The following KLRG2 variants were observed in gnomAD, a reference collection of about 807,000 sequenced individuals.
The protein encoded by KLRG2 is killer cell lectin like receptor G2, also known as killer cell lectin-like receptor subfamily G member 2.
In KLRG2, 39 loss-of-function variants were observed where a neutral mutation model predicts 35.4. That is an observed-to-expected ratio of 1.10 (90% CI 0.85 to 1.44). The LOEUF (loss-of-function observed/expected upper bound fraction) is 1.44. Among genes scored for constraint, KLRG2 ranks in the 40% most tolerant of loss-of-function variants. KLRG2 has a pLI of 0.00. For missense variants in KLRG2, 632 were observed against 570.9 expected, an observed-to-expected ratio of 1.11 and a Z score of -1.09; for synonymous variants, 283 against 265.8, an observed-to-expected ratio of 1.06 and a Z score of -0.63.
intron 3 of KLRG2, among the ~76,000 whole-genome samples, chr7:139,465,058 C>T (rs1197415465): frequency 6.6e-6 from 1 of 152,190 alleles, no homozygotes; most frequent in African/African-American, 2.4e-5. Flanking sequence ...TGTTCCTCAC[C>T]CTGAACACAC....
chr7:139,434,507 T>A, the KLRG2 span, among the ~76,000 whole-genome samples: 158 of 152,328 alleles, frequency 1.0e-3, no homozygotes, highest in African/African-American at 3.7e-3. Context: ...TCCCTCCCTC[T>A]GTAAGCAGTA....
the KLRG2 span, among the ~76,000 whole-genome samples, chr7:139,434,301 G>A: frequency 1.3e-5 from 2 of 152,124 alleles, no homozygotes; most frequent in Admixed American, 1.3e-4. Context: ...CCTTTGCCTG[G>A]TCATAATTCA....
At chr7:139,427,918 A>G in the KLRG2 span, among the ~76,000 whole-genome samples, 4 of 152,204 alleles carry the variant, frequency 2.6e-5, no homozygotes, top group Non-Finnish European at 1.5e-5. Context: ...TTCTATCACC[A>G]TCATGCCCGT....
chr7:139,479,185 C>T (rs1306795050), intron 3 of KLRG2, among the ~76,000 whole-genome samples: 3 of 152,124 alleles, frequency 2.0e-5, no homozygotes, highest in Non-Finnish European at 2.9e-5. Flanking sequence ...CAGGTTCAAG[C>T]AATTCTCCTG....
At chr7:139,473,604 TAC>T (rs1377444206) in intron 3 of KLRG2, among the ~76,000 whole-genome samples, 7 of 152,038 alleles carry the variant, frequency 4.6e-5, no homozygotes, top group Non-Finnish European at 7.4e-5. Context: ...GAATAAAAAG[TAC>T]ACACAAAAAA....
the KLRG2 span, among the ~76,000 whole-genome samples, chr7:139,438,187 G>A: frequency 6.6e-6 from 1 of 152,260 alleles, no homozygotes; most frequent in African/African-American, 2.4e-5. Context: ...GCCCAGCTGA[G>A]ATTGGTGGAG....
chr7:139,476,739 G>C (rs573342145), intron 3 of KLRG2, among the ~76,000 whole-genome samples: 5 of 151,996 alleles, frequency 3.3e-5, no homozygotes, highest in African/African-American at 1.2e-4. Flanking sequence ...CACTGCACCC[G>C]GCCTCACTAT....
chr7:139,452,506 A>G (rs1168444273), downstream of KLRG2, among the ~76,000 whole-genome samples: 1 of 151,224 alleles, frequency 6.6e-6, no homozygotes, highest in Non-Finnish European at 1.5e-5. Context: ...TCTCCATCCC[A>G]TTCTCCCAGA....
the KLRG2 span, among the ~76,000 whole-genome samples, chr7:139,443,654 C>T: frequency 2.0e-5 from 3 of 152,076 alleles, no homozygotes; most frequent in Non-Finnish European, 2.9e-5. Context: ...CTCCACCTCC[C>T]GGGTTCAAAC....
At chr7:139,438,945 C>A in the KLRG2 span, among the ~76,000 whole-genome samples, 1 of 137,778 alleles carries the variant, frequency 7.3e-6, no homozygotes, top group African/African-American at 2.6e-5. Context: ...CGCCCCGCCT[C>A]GGCCTCCCAA....
chr7:139,439,400 G>A, the KLRG2 span, among the ~76,000 whole-genome samples: 1 of 152,174 alleles, frequency 6.6e-6, no homozygotes, highest in Non-Finnish European at 1.5e-5. Flanking sequence ...CTTTCTGGGG[G>A]GCTGTCAAGG....
intron 3 of KLRG2, among the ~76,000 whole-genome samples, chr7:139,478,087 AG>A (rs1796884386): frequency 6.6e-6 from 1 of 150,570 alleles, no homozygotes; most frequent in African/African-American, 2.4e-5. Context: ...GAAAAAAAAA[AG>A]CCAGGCACAG....
chr7:139,445,790 T>TATATATATATATAC, the KLRG2 span, among the ~76,000 whole-genome samples: 1 of 125,510 alleles, frequency 8.0e-6, no homozygotes, highest in African/African-American at 4.9e-5. Flanking sequence ...TGTATATATA[T>TATATATATATATAC]ATGTGTGTAT....
At position 139,483,381 on chromosome 7, in the gene KLRG2, C is replaced by A. The variant is rs1249019685; in HGVS notation, c.262G>T (p.Gly88Trp). 10 of 1,540,182 alleles carry A rather than the reference C, an allele frequency of 6.5e-6. No homozygotes were observed. The East Asian group carries it at 2.5e-4, about 38-fold the overall frequency. The change falls in exon 1 of 5, where the codon GGG becomes TGG. Residue 88 changes from glycine to tryptophan, a missense_variant. Coordinates refer to ENST00000340940, the MANE Select transcript of KLRG2 (RefSeq NM_198508.4). The stretch of plus-strand genomic sequence containing the variant: ...GGTGACGGCGGCTCGGGGCAGACCC[C>A]GTAGCCCAGGCTGAGCGGCGGCACG... ...PRVPPLSLGY[G>W]VCPEPPSPGP...
downstream of KLRG2, chr7:139,448,804 T>TA (rs1796337393): frequency 6.6e-6 from 1 of 152,078 alleles, no homozygotes; most frequent in Non-Finnish European, 1.5e-5. Context: ...GGCTGCTGTT[T>TA]AAAAATTAAA....
At chr7:139,449,595 A>AG (rs1163464482), downstream of KLRG2, among the ~76,000 whole-genome samples, 1 of 116,972 alleles carries the variant, frequency 8.5e-6, no homozygotes, top group African/African-American at 6.8e-5. Flanking sequence ...TAACTTCATA[A>AG]ATTTTTTAAC....
chr7:139,479,590 G>C, intron 3 of KLRG2, 37 bp downstream of exon 3: 1 of 1,594,702 alleles, frequency 6.3e-7, no homozygotes, highest in Non-Finnish European at 8.5e-7. Flanking sequence ...GGTCTAGAAA[G>C]ATCTGTACCC....
At chr7:139,479,389 A>T (rs564710704) in intron 3 of KLRG2, among the ~76,000 whole-genome samples, 1 of 152,160 alleles carries the variant, frequency 6.6e-6, no homozygotes, top group East Asian at 1.9e-4. Context: ...CCAAAAAAAA[A>T]TTTTTTTTAA....
the KLRG2 span, among the ~76,000 whole-genome samples, chr7:139,443,808 C>T: frequency 2.0e-5 from 3 of 152,156 alleles, no homozygotes; most frequent in Non-Finnish European, 2.9e-5. Flanking sequence ...CCGCCCACCA[C>T]GGCCTGAGAG....
Sources: allele counts gnomAD v4.1 joint callset (sites outside exome capture counted in the v4.1 genomes callset), GRCh38; gene constraint gnomAD v4.1.1; transcripts MANE v1.5; gene names NCBI Gene and HGNC (gene_info 2026-07-23, HGNC 2026-07-21).